The following RSPO1 variants were observed in gnomAD, a reference collection of about 807,000 sequenced individuals.
RSPO1 encodes R-spondin 1, also known as R-spondin-1.
Under a neutral mutation model 26.0 loss-of-function variants are expected in RSPO1, and 18 were observed. That is an observed-to-expected ratio of 0.69 (90% confidence interval 0.48 to 1.03). RSPO1 has a LOEUF of 1.03. Ranked by LOEUF, RSPO1 falls within the 50% of genes least tolerant of loss-of-function variation. RSPO1 has a pLI of 0.00. For synonymous variants in RSPO1, 133 were observed against 137.4 expected, an observed-to-expected ratio of 0.97 and a Z score of 0.22; for missense variants, 309 against 352.3, an observed-to-expected ratio of 0.88 and a Z score of 0.98.
intron 3 of RSPO1, among the ~76,000 whole-genome samples, chr1:37,617,445 G>C (rs1418425484): frequency 6.6e-6 from 1 of 152,042 alleles, no homozygotes; most frequent in Non-Finnish European, 1.5e-5. Context: ...GAACACCTGA[G>C]GTCAGGAGTT....
rs191959570 is a variant in RSPO1, at chr1:37,624,690, A to G, written c.94+4878T>C. ...TTCTGGATCGCTGCCCCTCCCCGCT[A>G]GGGGCTTCACTTCTTCCAGTTCCCA... is the stretch of plus-strand genomic sequence containing the variant. On this transcript the variant is annotated intron_variant, in intron 3 of 6. Coordinates refer to ENST00000356545, the MANE Select transcript of RSPO1 (RefSeq NM_001242908.2). Among the ~76,000 whole-genome samples, 344 of 152,262 alleles carry G rather than the reference A, an allele frequency of 2.3e-3. 1 individual carries two copies. Among genetic ancestry groups the G allele is most frequent in the African/African-American group, 8.1e-3 (336 of 41,538 alleles).
Position 37,616,486 on chromosome 1 carries a change from A to C in RSPO1, c.284T>G (p.Ile95Ser). 2 of 1,614,048 alleles carry C rather than the reference A, an allele frequency of 1.2e-6. No individual in the cohort carries two copies. The highest frequency in any genetic ancestry group is 1.7e-6 in the Non-Finnish European group (2 of 1,179,966). The change falls in exon 4 of 7, where the codon ATC becomes AGC. Residue 95 changes from isoleucine to serine, a missense_variant and splice_region_variant. Ile to Ser is a moderately radical substitution (Grantham distance 142). Transcript: ENST00000356545. Reference sequence around the variant, plus strand: ...CCGACAGCCCTGCCCACACTCACTGATGCACTTGTTCATGTCGGGGTTGCG... The same window carrying C: ...CCGACAGCCCTGCCCACACTCACTGCTGCACTTGTTCATGTCGGGGTTGCG... ...DARNPDMNKCIKCKIEHCEAC... is the reference protein window; with the variant it reads ...DARNPDMNKCSKCKIEHCEAC...
chr1:37,621,000 C>A (rs1644193637), intron 3 of RSPO1, among the ~76,000 whole-genome samples: 1 of 152,218 alleles, frequency 6.6e-6, no homozygotes, highest in Non-Finnish European at 1.5e-5. Flanking sequence ...TTTATTCCTT[C>A]ATTATCACCT....
At chr1:37,631,271 CT>C (rs1234496528) in intron 2 of RSPO1, among the ~76,000 whole-genome samples, 2 of 152,230 alleles carry the variant, frequency 1.3e-5, no homozygotes, top group African/African-American at 4.8e-5. Context: ...GTTAAGCTGC[CT>C]GTGAGAAGTG....
intron 3 of RSPO1, 38 bp from the exon 4 acceptor site, chr1:37,616,713 A>G: frequency 6.4e-7 from 1 of 1,570,730 alleles, no homozygotes; most frequent in Non-Finnish European, 8.8e-7. Flanking sequence ...GCGGCTGTGG[A>G]GAGAACCTCA....
intron 1 of RSPO1, among the ~76,000 whole-genome samples, 197 bp from the exon 2 acceptor site, chr1:37,632,550 G>A (rs1046223313): frequency 6.6e-6 from 1 of 152,186 alleles, no homozygotes; most frequent in African/African-American, 2.4e-5. Flanking sequence ...ATGTGGAGGG[G>A]GTAAACTGGA....
Position 37,613,577 on chromosome 1 carries a change from T to G in RSPO1, c.625+127A>C. 1 of 753,686 alleles carries G rather than the reference T, an allele frequency of 1.3e-6. No homozygotes were observed. The highest frequency in any genetic ancestry group is 2.3e-6 in the Non-Finnish European group (1 of 433,094). The allele number at this position is 753,686 out of a possible 1,614,324, so 46.7% of individuals were successfully genotyped here. On this transcript the variant is annotated intron_variant, in intron 6 of 6. Transcript: ENST00000356545. The surrounding 1 kb of genome is among the most constrained non-coding windows in gnomAD (Gnocchi z 4.5). ...GATTGGACAGCATGAGGTCTTGAGT[T>G]GCGGGTGCCCCATCTGGCCTTGCCC...
At chr1:37,621,076 A>G (rs1644195194) in intron 3 of RSPO1, among the ~76,000 whole-genome samples, 1 of 152,188 alleles carries the variant, frequency 6.6e-6, no homozygotes, top group African/African-American at 2.4e-5. Flanking sequence ...TTCCACTAGC[A>G]GCAAGTCCCT....
chr1:37,617,124 A>AATTGGAATAATCTATGCCT (rs1553120614), intron 3 of RSPO1, among the ~76,000 whole-genome samples: 2 of 152,208 alleles, frequency 1.3e-5, no homozygotes, highest in African/African-American at 4.8e-5. Context: ...ACACAAAGAC[A>AATTGGAATAATCTATGCCT]ATTGGAATAA....
At chr1:37,631,896 T>A (rs1644365581) in intron 2 of RSPO1, 1 of 152,262 alleles carries the variant, frequency 6.6e-6, no homozygotes, top group Non-Finnish European at 1.5e-5. Context: ...ATCTTTATGG[T>A]TGATTGCCTC....
rs1407096537 is a variant in RSPO1 at position 37,614,224 on chromosome 1, G to T, written c.396C>A (p.Gly132=). 6.2e-7 allele frequency: 1 copy of T among 1,613,338 alleles called. No homozygotes were observed. The highest frequency in any genetic ancestry group is 1.3e-5 in the African/African-American group (1 of 74,912). The part of the protein sequence containing the change: ...KGRCYPACPE[G]SSAANGTMEC... ...CCATGGTGCCATTGGCAGCTGAGGA[G>T]CCCTCGGGACAAGCTGGATAGCAGC... The change falls in exon 5 of 7, where the codon GGC becomes GGA. Residue 132 remains glycine (G), a synonymous_variant. Coordinates refer to ENST00000356545, the MANE Select transcript of RSPO1 (RefSeq NM_001242908.2).
chr1:37,624,585 C>T (rs140789299), intron 3 of RSPO1, among the ~76,000 whole-genome samples: 1,777 of 152,142 alleles, frequency 0.012, 16 homozygotes, highest in Admixed American at 0.021. Context: ...CTTCATCCTA[C>T]GCAAAGCCCT....
In RSPO1 at chr1:37,612,022, A is replaced by T. The variant is rs895487333; in HGVS notation, c.*733T>A. The T allele has an allele frequency of 6.6e-6, 1 of 152,288 alleles. No individual in the cohort carries two copies. The highest frequency in any genetic ancestry group is 1.5e-5 in the Non-Finnish European group (1 of 68,140). 9.4% of individuals were successfully genotyped at this position (152,288 alleles called of 1,614,324 possible). A position where few individuals can be genotyped will look rare whatever the true frequency, so the allele number is the denominator to read the frequency against. On this transcript the variant is annotated 3_prime_UTR_variant, in exon 7 of 7. Coordinates refer to ENST00000356545, the MANE Select transcript of RSPO1 (RefSeq NM_001242908.2). The stretch of plus-strand genomic sequence containing the variant: ...CCCCTAAGTTTTCTTCCTTGTCTGC[A>T]TGACCCTCTACTGAGCAGGCTATTT...
rs909390838 is a variant in RSPO1, at chr1:37,613,469, C to T, written c.625+235G>A. Among the ~76,000 whole-genome samples the T allele has an allele frequency of 2.6e-5, 4 of 152,208 alleles. No homozygotes were observed. Among genetic ancestry groups the T allele is most frequent in the African/African-American group, 7.2e-5 (3 of 41,444 alleles). ...ACTAGCTCAGAAGAAATGGGGGAACCGGAAGGATGTTGACCACAGAAGCTT... is the reference window on the plus strand; with the variant it reads ...ACTAGCTCAGAAGAAATGGGGGAACTGGAAGGATGTTGACCACAGAAGCTT... On this transcript the variant is annotated intron_variant, in intron 6 of 6. Coordinates refer to ENST00000356545, the MANE Select transcript of RSPO1 (RefSeq NM_001242908.2). This position sits in a 1 kb window ranked among gnomAD's most constrained non-coding sequence, Gnocchi z 4.5.
chr1:37,622,398 C>G (rs1644215853), intron 3 of RSPO1, among the ~76,000 whole-genome samples: 2 of 152,182 alleles, frequency 1.3e-5, no homozygotes, highest in Non-Finnish European at 2.9e-5. Context: ...GCGGCTTGTG[C>G]CTGTAATCCA....
At chr1:37,621,653 G>A (rs1644205002) in intron 3 of RSPO1, among the ~76,000 whole-genome samples, 1 of 152,120 alleles carries the variant, frequency 6.6e-6, no homozygotes, top group South Asian at 2.1e-4. Context: ...TAGACATGTT[G>A]AGTTTGCGGT....
At chr1:37,628,771 G>C (rs1644314867) in intron 3 of RSPO1, among the ~76,000 whole-genome samples, 1 of 152,228 alleles carries the variant, frequency 6.6e-6, no homozygotes, top group African/African-American at 2.4e-5. Context: ...GGGCCCACAG[G>C]CATTGGGAGA....
chr1:37,630,749 G>T (rs58722170), intron 2 of RSPO1, among the ~76,000 whole-genome samples: 1 of 152,036 alleles, frequency 6.6e-6, no homozygotes, highest in Admixed American at 6.5e-5. Context: ...TGAAAACCCT[G>T]CTTCCCCGTC....
chr1:37,617,661 CAAAAA>C (rs34856591), intron 3 of RSPO1, among the ~76,000 whole-genome samples: 7 of 36,376 alleles, frequency 1.9e-4, no homozygotes, highest in East Asian at 9.7e-4. Context: ...GACTCCATCT[CAAAAA>C]AAAAAAAAAA....
Sources: gnomAD v4.1 joint callset for allele counts (sites outside exome capture counted in the v4.1 genomes callset) on GRCh38, gnomAD v4.1.1 for gene constraint, Gnocchi (gnomAD v3.1) non-coding constraint, MANE v1.5 for transcripts, NCBI Gene and HGNC (gene_info 2026-07-23, HGNC 2026-07-21) for gene names.